The following PVT1 variants were observed in gnomAD, a reference collection of about 807,000 sequenced individuals.
PVT1 encodes the protein Pvt1 oncogene, also known as CXCR4/PVT1 fusion.
intron 2 of PVT1, among the ~76,000 whole-genome samples, chr8:127,801,888 CATTATTTATTTATTTATTTA>C: frequency 8.0e-6 from 1 of 125,712 alleles, no homozygotes; most frequent in Non-Finnish European, 1.7e-5. Flanking sequence ...TAAGATATCT[CATTATTTATTTATTTATTTA>C]TTTATTTATT....
intron 2 of PVT1, among the ~76,000 whole-genome samples, chr8:127,878,168 A>G (rs1472420282): frequency 6.6e-6 from 1 of 152,000 alleles, no homozygotes; most frequent in Non-Finnish European, 1.5e-5. Context: ...GGCATAGTCA[A>G]ACAAAAGGAA....
At chr8:127,805,766 A>T (rs1586387240) in intron 2 of PVT1, among the ~76,000 whole-genome samples, 2 of 152,320 alleles carry the variant, frequency 1.3e-5, no homozygotes, top group Admixed American at 1.3e-4. Context: ...CAAAGAAAAA[A>T]TAACATTATT....
chr8:127,942,164 C>G (rs1203408433), intron 3 of PVT1, among the ~76,000 whole-genome samples: 1 of 152,170 alleles, frequency 6.6e-6, no homozygotes, highest in Non-Finnish European at 1.5e-5. Flanking sequence ...GACACTTTCG[C>G]CTGTCAGTTC....
At chr8:127,842,720 C>A (rs997994253) in intron 2 of PVT1, among the ~76,000 whole-genome samples, 8 of 152,092 alleles carry the variant, frequency 5.3e-5, no homozygotes, top group African/African-American at 1.7e-4. Flanking sequence ...CACTGTGCAC[C>A]AACCCTCCCT....
chr8:128,021,208 G>C (rs1456492707), intron 4 of PVT1, among the ~76,000 whole-genome samples: 1 of 151,308 alleles, frequency 6.6e-6, no homozygotes, highest in Admixed American at 6.6e-5. Flanking sequence ...CTGAATCCAG[G>C]GCACATCCCC....
chr8:128,032,011 T>C (rs942348688), intron 4 of PVT1, among the ~76,000 whole-genome samples: 1 of 152,132 alleles, frequency 6.6e-6, no homozygotes, highest in African/African-American at 2.4e-5. Context: ...ATGGCGGTGG[T>C]GAAAGAGGAA....
At chr8:127,865,374 G>A (rs1167804049) in intron 2 of PVT1, among the ~76,000 whole-genome samples, 1 of 152,162 alleles carries the variant, frequency 6.6e-6, no homozygotes, top group Non-Finnish European at 1.5e-5. Context: ...GGAACATGGG[G>A]ATGTCATATG....
At chr8:128,010,105 A>C (rs911009288) in intron 4 of PVT1, 1 of 152,134 alleles carries the variant, frequency 6.6e-6, no homozygotes, top group Non-Finnish European at 1.5e-5. Context: ...TTGTACATCA[A>C]GCCTCTATGT....
intron 2 of PVT1, among the ~76,000 whole-genome samples, chr8:127,855,685 C>T (rs892339303): frequency 1.3e-5 from 2 of 152,218 alleles, no homozygotes; most frequent in African/African-American, 2.4e-5. Flanking sequence ...GCAGACTGAG[C>T]GGGAACCCCC....
rs557359699 is a variant in PVT1, at chr8:128,090,349, A to G, written n.1115-6169A>G. 3.3e-5 allele frequency among the ~76,000 whole-genome samples: 5 copies of G among 152,376 alleles called. No individual in the cohort carries two copies. In the East Asian group the frequency reaches 9.6e-4, roughly 29 times the overall value. On this transcript the variant is annotated intron_variant and non_coding_transcript_variant, in intron 5 of 10. Coordinates refer to ENST00000651587, the Ensembl canonical transcript of PVT1. ...CTGCGTGCCCAAACTTCCAGAAAGC[A>G]GACATATTGATGCAGTTGAATTGCC...
intron 3 of PVT1, among the ~76,000 whole-genome samples, chr8:127,924,819 T>C (rs1816109943): frequency 6.6e-6 from 1 of 152,238 alleles, no homozygotes; most frequent in East Asian, 1.9e-4. Flanking sequence ...CCCCAACTTT[T>C]GTATTTTTAG....
intron 2 of PVT1, among the ~76,000 whole-genome samples, chr8:127,890,368 C>T (rs1815585319): frequency 6.6e-6 from 1 of 152,248 alleles, no homozygotes; most frequent in African/African-American, 2.4e-5. Flanking sequence ...GAGCAGCTGG[C>T]AGTTCCCTGT....
At chr8:127,827,784 G>T (rs12543944) in intron 2 of PVT1, among the ~76,000 whole-genome samples, 84,712 of 151,762 alleles carry the variant, frequency 0.56, 24,099 homozygotes, top group Admixed American at 0.68. Context: ...GGAGCATCTT[G>T]CTGGGTGGCT....
At chr8:127,951,240 AGAG>A (rs1816502030) in intron 3 of PVT1, among the ~76,000 whole-genome samples, 1 of 152,126 alleles carries the variant, frequency 6.6e-6, no homozygotes, top group Non-Finnish European at 1.5e-5. Flanking sequence ...TTAGAGAGGG[AGAG>A]GACCCTCCTG....
chr8:127,794,707 G>C (rs1005851458), exon 1 of PVT1: 2 of 153,314 alleles, frequency 1.3e-5, no homozygotes, highest in African/African-American at 2.4e-5. Flanking sequence ...CCTGTGACCT[G>C]TGGAGACACG....
At chr8:127,798,022 G>A (rs1428433662) in intron 2 of PVT1, among the ~76,000 whole-genome samples, 2 of 152,134 alleles carry the variant, frequency 1.3e-5, no homozygotes, top group Non-Finnish European at 2.9e-5. Context: ...CAAGCAAAGG[G>A]CCGGGCGCGG....
chr8:127,944,853 G>T (rs1051963657), intron 3 of PVT1, among the ~76,000 whole-genome samples: 1 of 152,146 alleles, frequency 6.6e-6, no homozygotes, highest in Non-Finnish European at 1.5e-5. Context: ...GTCTGGGCCC[G>T]GCAAATTGGT....
chr8:127,846,989 TTTTTTTTTTTTTTG>T (rs201087242), intron 2 of PVT1, among the ~76,000 whole-genome samples: 9,158 of 115,218 alleles, frequency 0.079, 411 homozygotes, highest in African/African-American at 0.14. Flanking sequence ...CCTTTTTTTT[TTTTTTTTTTTTTTG>T]TTGTTGTTGT....
At chr8:127,994,883 G>C (rs542412630) in intron 4 of PVT1, among the ~76,000 whole-genome samples, 1 of 152,300 alleles carries the variant, frequency 6.6e-6, no homozygotes, top group South Asian at 2.1e-4. Flanking sequence ...TTCTATTCAG[G>C]CCTTCAGTGG....
Sources: allele counts gnomAD v4.1 joint callset (sites outside exome capture counted in the v4.1 genomes callset), GRCh38; gene constraint gnomAD v4.1.1; transcripts MANE v1.5; gene names NCBI Gene and HGNC (gene_info 2026-07-23, HGNC 2026-07-21).